Variants in NRXN3 observed in about 807,000 individuals in gnomAD.
NRXN3 encodes the protein neurexin III.
In NRXN3, 32 loss-of-function variants were observed where a neutral mutation model predicts 137.6. The ratio of observed to expected loss-of-function variants is 0.23; its 90% confidence interval spans 0.18 to 0.31. The LOEUF (loss-of-function observed/expected upper bound fraction) is 0.31, where lower values mean the gene tolerates loss of function less well. Ranked by LOEUF, NRXN3 falls within the 10% of genes least tolerant of loss-of-function variation. The pLI is 1.00. For synonymous variants in NRXN3, 798 were observed against 784.5 expected (o/e 1.02, Z -0.29); for missense variants, 1,574 against 2,062.5 (o/e 0.76, Z 4.59).
chr14:78,613,854 A>T (rs942953135), intron 4 of NRXN3, among the ~76,000 whole-genome samples: 1 of 152,164 alleles, frequency 6.6e-6, no homozygotes, highest in African/African-American at 2.4e-5. Flanking sequence ...GAACTTAAGA[A>T]AACCAAGTGC....
At chr14:78,228,119 C>T (rs1179895938) in intron 1 of NRXN3, among the ~76,000 whole-genome samples, 1 of 151,178 alleles carries the variant, frequency 6.6e-6, no homozygotes, top group Admixed American at 6.6e-5. Flanking sequence ...AATCAAACCA[C>T]TACACAACAT....
At chr14:78,848,866 C>A (rs1222024542) in intron 10 of NRXN3, among the ~76,000 whole-genome samples, 1 of 151,906 alleles carries the variant, frequency 6.6e-6, no homozygotes, top group Non-Finnish European at 1.5e-5. Context: ...TGAATTTACC[C>A]CAAGCCATGA....
chr14:78,610,315 T>G (rs2097289987), intron 4 of NRXN3, among the ~76,000 whole-genome samples: 1 of 151,892 alleles, frequency 6.6e-6, no homozygotes, highest in African/African-American at 2.4e-5. Context: ...TATTCAAAGC[T>G]AAATAATTTT....
intron 4 of NRXN3, chr14:78,615,154 A>G: frequency 2.2e-6 from 1 of 453,714 alleles, no homozygotes; most frequent in South Asian, 1.6e-5. Flanking sequence ...TAATAACAAT[A>G]TCTTACATGT....
intron 16 of NRXN3, among the ~76,000 whole-genome samples, chr14:79,468,130 T>C (rs1235168843): frequency 6.6e-6 from 1 of 152,242 alleles, no homozygotes; most frequent in Non-Finnish European, 1.5e-5. Flanking sequence ...CATTTTGCTT[T>C]TGGTCTTGTA....
intron 15 of NRXN3, among the ~76,000 whole-genome samples, chr14:79,441,381 T>C (rs1259126947): frequency 7.6e-6 from 1 of 132,410 alleles, no homozygotes; most frequent in African/African-American, 2.9e-5. Context: ...TTTTTTTTTT[T>C]TTTTTTTTTT....
chr14:79,331,435 G>A (rs1228245753), intron 15 of NRXN3, among the ~76,000 whole-genome samples: 1 of 152,102 alleles, frequency 6.6e-6, no homozygotes, highest in African/African-American at 2.4e-5. Flanking sequence ...GGAGTTCAGA[G>A]GCCCTGACTG....
chr14:78,460,282 A>G (rs2094884107), intron 4 of NRXN3, among the ~76,000 whole-genome samples: 1 of 152,236 alleles, frequency 6.6e-6, no homozygotes, highest in Admixed American at 6.5e-5. Flanking sequence ...GCTTCATTAC[A>G]TAGGCATAAT....
chr14:79,678,867 G>A (rs1286009192), intron 17 of NRXN3, among the ~76,000 whole-genome samples: 2 of 152,054 alleles, frequency 1.3e-5, no homozygotes, highest in Non-Finnish European at 2.9e-5. Context: ...GTTTCTGAAG[G>A]AGTGAAATTC....
At chr14:78,185,674 G>A (rs2060171925) in intron 1 of NRXN3, among the ~76,000 whole-genome samples, 1 of 152,198 alleles carries the variant, frequency 6.6e-6, no homozygotes, top group Admixed American at 6.5e-5. Flanking sequence ...TCTCAGCCTA[G>A]GCTGGCTCTG....
chr14:78,836,584 AT>A (rs2098997652), intron 10 of NRXN3, among the ~76,000 whole-genome samples: 1 of 152,136 alleles, frequency 6.6e-6, no homozygotes, highest in African/African-American at 2.4e-5. Flanking sequence ...TTAAATGTAT[AT>A]TTTTTTAATA....
rs575994221 is a variant in NRXN3, at chr14:79,767,392, T to C, written c.4015-37720T>C. Among the ~76,000 whole-genome samples the C allele has an allele frequency of 1.8e-3, 269 of 152,328 alleles. 2 individuals carry two copies. Among genetic ancestry groups the C allele is most frequent in the Non-Finnish European group, 3.5e-3 (235 of 68,026 alleles). Reference sequence around the variant, plus strand: ...TTCTTATTTCTCAGCACTCACGTTATTTTTTTACTCAGAGAAATCTTCCCT... The same window carrying C: ...TTCTTATTTCTCAGCACTCACGTTACTTTTTTACTCAGAGAAATCTTCCCT... On this transcript the variant is annotated intron_variant, in intron 19 of 20. Coordinates refer to ENST00000335750, the MANE Select transcript of NRXN3 (RefSeq NM_001330195.2).
intron 16 of NRXN3, among the ~76,000 whole-genome samples, chr14:79,511,712 G>A (rs774033046): frequency 6.6e-6 from 1 of 152,064 alleles, no homozygotes; most frequent in Non-Finnish European, 1.5e-5. Context: ...TATATTTGAG[G>A]ACTATGGTTT....
At chr14:78,915,887 A>AGAG (rs1304644349) in intron 10 of NRXN3, among the ~76,000 whole-genome samples, 1 of 152,168 alleles carries the variant, frequency 6.6e-6, no homozygotes, top group Non-Finnish European at 1.5e-5. Flanking sequence ...TCTTGAAAAT[A>AGAG]GAGTCTTTAA....
At chr14:79,365,968 A>T (rs974575080) in intron 15 of NRXN3, among the ~76,000 whole-genome samples, 2 of 152,086 alleles carry the variant, frequency 1.3e-5, no homozygotes, top group Non-Finnish European at 2.9e-5. Context: ...TTAAACATCT[A>T]TTATGTGACT....
intron 15 of NRXN3, among the ~76,000 whole-genome samples, chr14:79,170,555 AATT>A (rs751799253): frequency 6.6e-6 from 1 of 152,108 alleles, no homozygotes; most frequent in Non-Finnish European, 1.5e-5. Context: ...TGGAAGGAAA[AATT>A]ATTATCCATC....
At chr14:78,171,530 G>A (rs543133595) in intron 1 of NRXN3, among the ~76,000 whole-genome samples, 18 of 152,134 alleles carry the variant, frequency 1.2e-4, no homozygotes, top group African/African-American at 4.1e-4. Flanking sequence ...TCGATGTATT[G>A]TTTTTTCCAG....
intron 4 of NRXN3, among the ~76,000 whole-genome samples, chr14:78,538,076 T>C (rs1462663161): frequency 6.6e-6 from 1 of 152,218 alleles, no homozygotes; most frequent in African/African-American, 2.4e-5. Flanking sequence ...TTGCTTAGGA[T>C]TGACTTGGCA....
intron 15 of NRXN3, among the ~76,000 whole-genome samples, chr14:79,196,019 A>C (rs945566233): frequency 1.3e-5 from 2 of 152,170 alleles, no homozygotes; most frequent in Non-Finnish European, 2.9e-5. Flanking sequence ...CCTCACACCC[A>C]CTTAAGAAAA....
Sources: gnomAD v4.1 joint callset for allele counts (sites outside exome capture counted in the v4.1 genomes callset) on GRCh38, gnomAD v4.1.1 for gene constraint, MANE v1.5 for transcripts, NCBI Gene and HGNC (gene_info 2026-07-23, HGNC 2026-07-21) for gene names.